The following C1GALT1 variants were observed in gnomAD, a reference collection of about 807,000 sequenced individuals.
C1GALT1 encodes the protein core 1 synthase, glycoprotein-N-acetylgalactosamine 3-beta-galactosyltransferase 1, also known as glycoprotein-N-acetylgalactosamine 3-beta-galactosyltransferase 1.
C1GALT1 carries 11 observed loss-of-function variants against 31.0 expected under a neutral mutation model. That is an observed-to-expected ratio of 0.36 (90% CI 0.22 to 0.59). The LOEUF (loss-of-function observed/expected upper bound fraction) is 0.59, where lower values mean the gene tolerates loss of function less well. Ranked by LOEUF, C1GALT1 falls within the 20% of genes least tolerant of loss-of-function variation. The pLI, the probability that C1GALT1 is intolerant of heterozygous loss-of-function variation, is 0.79. For missense variants in C1GALT1, 424 were observed against 425.2 expected (o/e 1.00, Z 0.03); for synonymous variants, 175 against 143.6 (o/e 1.22, Z -1.56).
At chr7:7,162,394 C>A (rs907750935) in intron 2 of C1GALT1, among the ~76,000 whole-genome samples, 17 of 150,600 alleles carry the variant, frequency 1.1e-4, no homozygotes, top group Admixed American at 4.0e-4. Flanking sequence ...CGATAGTTTA[C>A]TGAGAATGAT....
At chr7:7,164,655 C>T (rs1780373524) in intron 2 of C1GALT1, among the ~76,000 whole-genome samples, 1 of 152,138 alleles carries the variant, frequency 6.6e-6, no homozygotes, top group South Asian at 2.1e-4. Flanking sequence ...ACGAGGAACT[C>T]TGAAGGTGGA....
At chr7:7,229,675 ATCACTTAAGACAG>A (rs1345230772) in intron 1 of C1GALT1, among the ~76,000 whole-genome samples, 1 of 152,200 alleles carries the variant, frequency 6.6e-6, no homozygotes, top group Non-Finnish European at 1.5e-5. Context: ...TTTCAGAACA[ATCACTTAAGACAG>A]GAGGGATATG....
At chr7:7,234,201 A>G (rs1562594057) in intron 1 of C1GALT1, 102 bp from the exon 2 acceptor site, 1 of 811,890 alleles carries the variant, frequency 1.2e-6, no homozygotes, top group African/African-American at 1.7e-5. Context: ...AAATACTGTT[A>G]GAAATTAACT....
In C1GALT1 at chr7:7,231,183, C is replaced by T. The variant is rs1783056518; in HGVS notation, c.-17-3120C>T. On this transcript the variant is annotated intron_variant, in intron 1 of 3. Coordinates refer to ENST00000436587, the MANE Select transcript of C1GALT1 (RefSeq NM_020156.5). ...TTAGCACTTTAAAAATAGTTCACTG[C>T]AGTCTTGATTCTGTTGTTGCTGCTA... is the stretch of plus-strand genomic sequence containing the variant. Among the ~76,000 whole-genome samples, 7 of 152,172 alleles carry T rather than the reference C, an allele frequency of 4.6e-5. No individual in the cohort carries two copies. In the South Asian group the frequency reaches 1.4e-3, roughly 32 times the overall value.
chr7:7,236,706 A>G (rs909184360), intron 2 of C1GALT1, among the ~76,000 whole-genome samples: 2 of 151,878 alleles, frequency 1.3e-5, no homozygotes, highest in East Asian at 3.9e-4. Flanking sequence ...TATCTTTTTT[A>G]GTAGAGACAG....
At chr7:7,228,662 A>G (rs1321484519) in intron 1 of C1GALT1, among the ~76,000 whole-genome samples, 1 of 152,206 alleles carries the variant, frequency 6.6e-6, no homozygotes, top group African/African-American at 2.4e-5. Context: ...AGTCCTTTAA[A>G]TTGGAAGGGA....
At chr7:7,179,507 C>T (rs372739541), upstream of C1GALT1, among the ~76,000 whole-genome samples, 35 of 152,236 alleles carry the variant, frequency 2.3e-4, no homozygotes, top group African/African-American at 8.4e-4. Flanking sequence ...AATGTTGTTG[C>T]TAGCTTGTTT....
chr7:7,240,944 T>G (rs1157906560), intron 3 of C1GALT1, among the ~76,000 whole-genome samples: 1 of 152,062 alleles, frequency 6.6e-6, no homozygotes, highest in Non-Finnish European at 1.5e-5. Flanking sequence ...GTAAAAGATA[T>G]TCTAATTCAT....
chr7:7,194,702 G>A (rs1419588496), intron 1 of C1GALT1, among the ~76,000 whole-genome samples: 1 of 152,076 alleles, frequency 6.6e-6, no homozygotes, highest in Non-Finnish European at 1.5e-5. Context: ...ATGAATTAGG[G>A]AGGGTTTCCT....
upstream of C1GALT1, chr7:7,178,018 T>C (rs1780523378): frequency 4.5e-6 from 1 of 223,318 alleles, no homozygotes; most frequent in Admixed American, 4.1e-5. Flanking sequence ...CTTACCAAAG[T>C]GGTGGCTACA....
intron 1 of C1GALT1, among the ~76,000 whole-genome samples, chr7:7,198,708 C>G (rs1002006589): frequency 1.3e-5 from 2 of 152,152 alleles, no homozygotes; most frequent in African/African-American, 2.4e-5. Context: ...GCCTCAATTT[C>G]AGAACCTGTT....
intron 1 of C1GALT1, among the ~76,000 whole-genome samples, chr7:7,222,952 TA>T (rs397515688): frequency 3.3e-5 from 5 of 151,930 alleles, no homozygotes; most frequent in African/African-American, 7.3e-5. Flanking sequence ...AAGCTTTTTT[TA>T]AAAAAAAGTC....
At chr7:7,217,542 C>G (rs1162180453) in intron 1 of C1GALT1, among the ~76,000 whole-genome samples, 1 of 152,192 alleles carries the variant, frequency 6.6e-6, no homozygotes, top group Non-Finnish European at 1.5e-5. Context: ...GCTTTATTCG[C>G]TGATGGATTA....
intron 2 of C1GALT1, among the ~76,000 whole-genome samples, chr7:7,162,045 C>T (rs1186997053): frequency 6.7e-6 from 1 of 150,188 alleles, no homozygotes; most frequent in Non-Finnish European, 1.5e-5. Flanking sequence ...ATAGGTTGCA[C>T]TGGATTTATC....
chr7:7,160,853 G>T (rs115177783), intron 2 of C1GALT1, among the ~76,000 whole-genome samples: 2,962 of 152,160 alleles, frequency 0.019, 92 homozygotes, highest in African/African-American at 0.067. Flanking sequence ...TACTGGTCAA[G>T]AGGACTTGGA....
At chr7:7,181,147 C>G (rs1018759474), upstream of C1GALT1, among the ~76,000 whole-genome samples, 4 of 137,182 alleles carry the variant, frequency 2.9e-5, no homozygotes, top group African/African-American at 1.2e-4. Context: ...GAACACTGAC[C>G]CCTGAAAGAG....
chr7:7,159,435 AG>A (rs1244124213), intron 2 of C1GALT1, among the ~76,000 whole-genome samples: 2 of 152,062 alleles, frequency 1.3e-5, no homozygotes, highest in African/African-American at 4.8e-5. Flanking sequence ...CAGGAAGAGG[AG>A]GGGGAGGAGG....
At position 7,234,961 on chromosome 7, in the gene C1GALT1, C is replaced by CT. The variant is rs545817575; in HGVS notation, c.220+430dup. On this transcript the variant is annotated intron_variant, in intron 2 of 3. Coordinates refer to ENST00000436587, the MANE Select transcript of C1GALT1 (RefSeq NM_020156.5). ...TTTATAATTAGTTAATAGAACTAAT[C>CT]TTTTTTTTCCTCAAGAGGCACAAAG... 4.6e-5 allele frequency: 7 copies of CT among 153,162 alleles called. No homozygotes were observed. The South Asian group carries it at 8.2e-4, about 18-fold the overall frequency. 9.5% of individuals were successfully genotyped at this position (153,162 alleles called of 1,614,324 possible).
intron 1 of C1GALT1, among the ~76,000 whole-genome samples, chr7:7,218,880 C>T (rs1363093394): frequency 6.6e-6 from 1 of 150,588 alleles, no homozygotes; most frequent in East Asian, 1.9e-4. Context: ...GTCGCCCAGG[C>T]TGGAGTGCGG....
Sources: allele counts gnomAD v4.1 joint callset (sites outside exome capture counted in the v4.1 genomes callset), GRCh38; gene constraint gnomAD v4.1.1; transcripts MANE v1.5; gene names NCBI Gene and HGNC (gene_info 2026-07-23, HGNC 2026-07-21).